FBXO4: variants seen among roughly 807,000 people sequenced by gnomAD.
FBXO4 encodes F-box protein 4.
Under a neutral mutation model 43.7 loss-of-function variants are expected in FBXO4, and 36 were observed. The ratio of observed to expected loss-of-function variants is 0.82; its 90% CI spans 0.63 to 1.09. The LOEUF (loss-of-function observed/expected upper bound fraction) is 1.09. Among genes scored for constraint, FBXO4 ranks in the 50% least tolerant of loss-of-function variants. The probability of loss-of-function intolerance (pLI) is 0.00; values close to 1 mark genes in which losing one functional copy is unlikely to be tolerated. For synonymous variants in FBXO4, 180 were observed against 165.6 expected, an observed-to-expected ratio of 1.09 and a Z score of -0.67; for missense variants, 435 against 474.1, an observed-to-expected ratio of 0.92 and a Z score of 0.77.
the FBXO4 span, among the ~76,000 whole-genome samples, chr5:42,018,395 A>T: frequency 6.6e-6 from 1 of 152,040 alleles, no homozygotes; most frequent in African/African-American, 2.4e-5. Flanking sequence ...TGCTGATAAA[A>T]TATTTCCAAA....
At chr5:41,927,929 T>G (rs1219350207) in intron 2 of FBXO4, among the ~76,000 whole-genome samples, 1 of 152,232 alleles carries the variant, frequency 6.6e-6, no homozygotes, top group African/African-American at 2.4e-5. Context: ...ATTATATATC[T>G]GGATATAGCT....
At position 41,929,697 on chromosome 5, in the gene FBXO4, C is replaced by A; in HGVS notation, c.426C>A (p.Val142=). 1 of 1,594,376 alleles carries A rather than the reference C, an allele frequency of 6.3e-7. No individual in the cohort carries two copies. Among genetic ancestry groups the A allele is most frequent in the South Asian group, 1.1e-5 (1 of 86,962 alleles). ...TTCTAATTGTGACAATTTTTTACAG[C>A]TATAGAATGTGCTGTCCATACACAA... The part of the protein sequence containing the change: ...TDGAFFDYMA[V]YRMCCPYTRR... Residue 142 remains valine, a splice_region_variant and synonymous_variant, in exon 3 of 7, where the codon GTC becomes GTA. Transcript: ENST00000281623.
chr5:41,936,907 T>A (rs1015347267), intron 5 of FBXO4, among the ~76,000 whole-genome samples: 3 of 152,124 alleles, frequency 2.0e-5, no homozygotes, highest in Admixed American at 1.3e-4. Flanking sequence ...TTTTTTTGTT[T>A]TTTTTTTACA....
At chr5:41,991,188 A>G in the FBXO4 span, among the ~76,000 whole-genome samples, 792 of 152,296 alleles carry the variant, frequency 5.2e-3, 9 homozygotes, top group African/African-American at 0.018. Flanking sequence ...ATACCCTGGG[A>G]CTTAGCATCA....
intron 1 of FBXO4, 22 bp from the exon 2 acceptor site, chr5:41,926,991 C>G: frequency 6.8e-7 from 1 of 1,466,604 alleles, no homozygotes; most frequent in Non-Finnish European, 9.3e-7. Flanking sequence ...TTTTTCCTAC[C>G]TGCTGCTTTC....
chr5:41,995,632 C>T, the FBXO4 span, among the ~76,000 whole-genome samples: 1 of 152,094 alleles, frequency 6.6e-6, no homozygotes, highest in Non-Finnish European at 1.5e-5. Context: ...GTCATCCCAT[C>T]CACTTGATTA....
At chr5:41,987,148 G>T in the FBXO4 span, among the ~76,000 whole-genome samples, 5 of 152,042 alleles carry the variant, frequency 3.3e-5, no homozygotes, top group African/African-American at 1.2e-4. Flanking sequence ...CTTTAAGATT[G>T]CAATCTTAAC....
At chr5:41,971,463 C>T in the FBXO4 span, among the ~76,000 whole-genome samples, 1 of 151,838 alleles carries the variant, frequency 6.6e-6, no homozygotes, top group South Asian at 2.1e-4. Flanking sequence ...AGTGTATTTC[C>T]TGCTAAGAAT....
downstream of FBXO4, chr5:41,941,892 C>T (rs1752011410): frequency 1.3e-5 from 2 of 152,178 alleles, no homozygotes; most frequent in Non-Finnish European, 1.5e-5. Context: ...ACTTCGCAAG[C>T]TCATAAGATA....
chr5:41,934,177 A>G lies in FBXO4; in HGVS notation c.767A>G (p.Asn256Ser). Residue 256 changes from asparagine (N) to serine (S), a missense_variant, in exon 5 of 7, where the codon AAC becomes AGC. By Grantham distance (46) the Asn-to-Ser change is conservative. Transcript: ENST00000281623. ...RAREEHTSAV[N>S]KMFSRHNEGD... ...AGGGAAGAGCATACAAGTGCAGTTAACAAGATGTTCAGTCGACACAATGAA... is the reference window on the plus strand; with the variant it reads ...AGGGAAGAGCATACAAGTGCAGTTAGCAAGATGTTCAGTCGACACAATGAA... 6.2e-7 allele frequency: 1 copy of G among 1,614,140 alleles called. No homozygotes were observed. The highest frequency in any genetic ancestry group is 8.5e-7 in the Non-Finnish European group (1 of 1,179,998).
At chr5:41,982,742 A>C in the FBXO4 span, among the ~76,000 whole-genome samples, 1 of 151,948 alleles carries the variant, frequency 6.6e-6, no homozygotes. Flanking sequence ...TTATACTTTA[A>C]ATTCTGGAGT....
the FBXO4 span, among the ~76,000 whole-genome samples, chr5:41,964,592 G>T: frequency 7.4e-5 from 10 of 135,732 alleles, no homozygotes; most frequent in South Asian, 4.7e-4. Flanking sequence ...CAAGCCAAGT[G>T]TTTTTTTTTT....
the FBXO4 span, among the ~76,000 whole-genome samples, chr5:41,968,628 C>A: frequency 6.6e-6 from 1 of 152,114 alleles, no homozygotes; most frequent in African/African-American, 2.4e-5. Flanking sequence ...GAAAAACATT[C>A]ATTTTAAACT....
At chr5:41,938,857 C>T (rs1027465415) in intron 5 of FBXO4, among the ~76,000 whole-genome samples, 3 of 152,210 alleles carry the variant, frequency 2.0e-5, no homozygotes, top group Non-Finnish European at 4.4e-5. Context: ...ATGTGACTCC[C>T]TCCATCTTCC....
chr5:41,954,137 T>C, the FBXO4 span, among the ~76,000 whole-genome samples: 5 of 152,162 alleles, frequency 3.3e-5, no homozygotes, highest in Non-Finnish European at 7.3e-5. Flanking sequence ...AGTCAAATAA[T>C]TTTCAGTTCC....
At chr5:41,967,156 AGC>A in the FBXO4 span, 2 of 413,478 alleles carry the variant, frequency 4.8e-6, no homozygotes, top group South Asian at 4.7e-5. Flanking sequence ...GGCTACTCCA[AGC>A]TCTTTAGACT....
At chr5:42,027,990 A>G in the FBXO4 span, among the ~76,000 whole-genome samples, 1 of 151,994 alleles carries the variant, frequency 6.6e-6, no homozygotes, top group African/African-American at 2.4e-5. Flanking sequence ...GCTAAAGAAA[A>G]GAATGTGTAT....
the FBXO4 span, among the ~76,000 whole-genome samples, chr5:42,030,637 C>A: frequency 6.6e-6 from 1 of 151,642 alleles, no homozygotes; most frequent in African/African-American, 2.4e-5. Context: ...AGCTTCTGCA[C>A]AGCAAAAGAA....
chr5:41,930,205 T>C (rs969370286), intron 3 of FBXO4: 12 of 286,858 alleles, frequency 4.2e-5, no homozygotes, highest in African/African-American at 2.2e-4. Flanking sequence ...ATATTTATCA[T>C]GTTTGAAAAA....
Sources: allele counts gnomAD v4.1 joint callset (sites outside exome capture counted in the v4.1 genomes callset), GRCh38; gene constraint gnomAD v4.1.1; transcripts MANE v1.5; gene names NCBI Gene and HGNC (gene_info 2026-07-23, HGNC 2026-07-21).